Variants in TMEM120B observed in about 807,000 individuals in gnomAD.
TMEM120B encodes transmembrane protein 120B.
Under a neutral mutation model 55.5 loss-of-function variants are expected in TMEM120B, and 31 were observed. The ratio of observed to expected loss-of-function variants is 0.56; its 90% CI spans 0.42 to 0.75. The LOEUF is 0.75. Ranked by LOEUF, TMEM120B falls within the 30% of genes least tolerant of loss-of-function variation. The probability of loss-of-function intolerance (pLI) is 0.00; values close to 1 mark genes in which losing one functional copy is unlikely to be tolerated. For synonymous variants in TMEM120B, 203 were observed against 176.3 expected, an observed-to-expected ratio of 1.15 and a Z score of -1.20; for missense variants, 399 against 425.5, an observed-to-expected ratio of 0.94 and a Z score of 0.55.
chr12:121,750,124 A>C (rs933540499), intron 3 of TMEM120B, among the ~76,000 whole-genome samples: 11 of 152,106 alleles, frequency 7.2e-5, no homozygotes, highest in Admixed American at 3.3e-4. Flanking sequence ...TCTGGCTGCA[A>C]GGCAGGCTTA....
chr12:121,737,141 T>A (rs1391773096), intron 1 of TMEM120B, among the ~76,000 whole-genome samples: 1 of 152,048 alleles, frequency 6.6e-6, no homozygotes, highest in Non-Finnish European at 1.5e-5. Context: ...CTACCTAGAT[T>A]TAAGGAGAGA....
At chr12:121,721,873 A>G (rs1457138263) in intron 1 of TMEM120B, among the ~76,000 whole-genome samples, 1 of 137,470 alleles carries the variant, frequency 7.3e-6, no homozygotes, top group Non-Finnish European at 1.5e-5. Flanking sequence ...CAGTGGCTCA[A>G]TCTTAGCTCA....
chr12:121,754,742 G>T (rs1023882863), intron 5 of TMEM120B, among the ~76,000 whole-genome samples: 4 of 152,244 alleles, frequency 2.6e-5, no homozygotes, highest in Non-Finnish European at 5.9e-5. Flanking sequence ...CAAAGACCCT[G>T]TTTCCAAATA....
intron 5 of TMEM120B, among the ~76,000 whole-genome samples, chr12:121,759,331 T>C (rs1265917370): frequency 2.0e-5 from 3 of 152,114 alleles, no homozygotes; most frequent in African/African-American, 7.2e-5. Context: ...AGAATTTGAC[T>C]GAGGGGCATA....
At chr12:121,719,549 G>A (rs1371148081) in intron 1 of TMEM120B, among the ~76,000 whole-genome samples, 2 of 152,168 alleles carry the variant, frequency 1.3e-5, no homozygotes, top group Non-Finnish European at 2.9e-5. Flanking sequence ...TCCTGCCACT[G>A]CACCCCAGCC....
At position 121,773,620 on chromosome 12, in the gene TMEM120B, G is replaced by A. The variant is rs371613591; in HGVS notation, c.772+107G>A. 1.0e-4 allele frequency: 85 copies of A among 818,750 alleles called. No homozygotes were observed. The East Asian group carries it at 2.6e-3, about 25-fold the overall frequency. The allele number at this position is 818,750 out of a possible 1,614,324, so 50.7% of individuals were successfully genotyped here. A position where few individuals can be genotyped will look rare whatever the true frequency, so the allele number is the denominator to read the frequency against. ...ACCTCCCATACAGCGGAGCCAGGCC[G>A]CTGCCCTTTATCCGAAGCGCCTTCC... On this transcript the variant is annotated intron_variant, in intron 9 of 11. Coordinates refer to ENST00000449592, the MANE Select transcript of TMEM120B (RefSeq NM_001080825.2).
Position 121,780,568 on chromosome 12 carries a change from C to T in TMEM120B, c.*4846C>T, listed in dbSNP as rs1874412730. On this transcript the variant is annotated 3_prime_UTR_variant, in exon 12 of 12. Coordinates refer to ENST00000449592, the MANE Select transcript of TMEM120B (RefSeq NM_001080825.2). ...TGGATTGCAGTGGATGGGACCAGAT[C>T]CTGGCTCCACTTCTCGCTAGCTGTG... is the stretch of plus-strand genomic sequence containing the variant. 2 of 511,830 alleles carry T rather than the reference C, an allele frequency of 3.9e-6. No homozygotes were observed. The highest frequency in any genetic ancestry group is 7.5e-5 in the Admixed American group (2 of 26,792). The allele number at this position is 511,830 out of a possible 1,614,324, so 31.7% of individuals were successfully genotyped here.
At position 121,781,887 on chromosome 12, in the gene TMEM120B, G is replaced by T. The variant is rs554724578; in HGVS notation, c.*6165G>T. 1.4e-4 allele frequency: 21 copies of T among 152,342 alleles called. No homozygotes were observed. The highest frequency in any genetic ancestry group is 4.8e-4 in the African/African-American group (20 of 41,574). The allele number at this position is 152,342 out of a possible 1,614,324, so 9.4% of individuals were successfully genotyped here. A position where few individuals can be genotyped will look rare whatever the true frequency, so the allele number is the denominator to read the frequency against. Reference sequence around the variant, plus strand: ...ATTCACAGAGCACACTCCCTGGGGGGATACTTTAATCCGGAGGCCGTGACG... The same window carrying T: ...ATTCACAGAGCACACTCCCTGGGGGTATACTTTAATCCGGAGGCCGTGACG... On this transcript the variant is annotated 3_prime_UTR_variant, in exon 12 of 12. Coordinates refer to ENST00000449592, the MANE Select transcript of TMEM120B (RefSeq NM_001080825.2).
At position 121,781,258 on chromosome 12, in the gene TMEM120B, G is replaced by T; in HGVS notation, c.*5536G>T. On this transcript the variant is annotated 3_prime_UTR_variant, in exon 12 of 12. Coordinates refer to ENST00000449592, the MANE Select transcript of TMEM120B (RefSeq NM_001080825.2). ...CCTGTCTGGACTCTGACGGGTGAAG[G>T]GGAAGGGGCCAGGCAAGTGACCCTG... is the stretch of plus-strand genomic sequence containing the variant. 1 of 1,463,710 alleles carries T rather than the reference G, an allele frequency of 6.8e-7. No homozygotes were observed. The highest frequency in any genetic ancestry group is 1.4e-5 in the African/African-American group (1 of 72,046). The allele number at this position is 1,463,710 out of a possible 1,614,324, so 90.7% of individuals were successfully genotyped here.
chr12:121,772,071 T>TC (rs1262594739), intron 8 of TMEM120B, among the ~76,000 whole-genome samples: 5 of 146,636 alleles, frequency 3.4e-5, no homozygotes, highest in African/African-American at 1.3e-4. Flanking sequence ...TCCTTTCTTT[T>TC]TCTTTCTTTC....
intron 1 of TMEM120B, among the ~76,000 whole-genome samples, chr12:121,717,760 C>T (rs529565759): frequency 3.9e-4 from 60 of 152,302 alleles, no homozygotes; most frequent in African/African-American, 1.4e-3. Flanking sequence ...CAGGTTCAAG[C>T]GATTCTCCTG....
At position 121,776,947 on chromosome 12, in the gene TMEM120B, C is replaced by T. The variant is rs528212358; in HGVS notation, c.*1225C>T. 3.3e-5 allele frequency: 5 copies of T among 149,258 alleles called. No individual in the cohort carries two copies. Among genetic ancestry groups the T allele is most frequent in the African/African-American group, 1.3e-4 (5 of 39,530 alleles). The allele number at this position is 149,258 out of a possible 1,614,324, so 9.2% of individuals were successfully genotyped here. ...GGACCACAATCACACACCACCATGC[C>T]CTGCTCCTTTTTTTTTTTTTTTTTT... On this transcript the variant is annotated 3_prime_UTR_variant, in exon 12 of 12. Transcript: ENST00000449592.
chr12:121,737,369 G>T (rs1384096021), intron 1 of TMEM120B, among the ~76,000 whole-genome samples: 1 of 152,092 alleles, frequency 6.6e-6, no homozygotes, highest in Non-Finnish European at 1.5e-5. Flanking sequence ...GCTGGGTGTG[G>T]TTGCATGCAC....
At chr12:121,762,786 T>C (rs1873721812) in intron 6 of TMEM120B, among the ~76,000 whole-genome samples, 1 of 152,116 alleles carries the variant, frequency 6.6e-6, no homozygotes, top group Non-Finnish European at 1.5e-5. Context: ...AGAGAGATGA[T>C]GCTGGGGAGG....
intron 6 of TMEM120B, among the ~76,000 whole-genome samples, chr12:121,765,837 G>T (rs773310372): frequency 6.6e-6 from 1 of 152,100 alleles, no homozygotes; most frequent in Non-Finnish European, 1.5e-5. Context: ...GAGATGCCTT[G>T]GAGGCCTCCC....
Position 121,775,466 on chromosome 12 carries a change from G to C in TMEM120B, c.907-143G>C. 1.4e-6 allele frequency: 2 copies of C among 1,443,226 alleles called. No homozygotes were observed. Among genetic ancestry groups the C allele is most frequent in the Non-Finnish European group, 1.8e-6 (2 of 1,103,088 alleles). The allele number at this position is 1,443,226 out of a possible 1,614,324, so 89.4% of individuals were successfully genotyped here. ...GCCTGAGGCCTCACCCTTCCCCCAG[G>C]TCTCCTGAATCTCTGCCTTCGATGG... is the stretch of plus-strand genomic sequence containing the variant. On this transcript the variant is annotated intron_variant, in intron 11 of 11. Coordinates refer to ENST00000449592, the MANE Select transcript of TMEM120B (RefSeq NM_001080825.2). The surrounding 1 kb of genome is among the most constrained non-coding windows in gnomAD (Gnocchi z 4.3).
intron 1 of TMEM120B, among the ~76,000 whole-genome samples, chr12:121,737,169 C>G (rs531735746): frequency 6.6e-6 from 1 of 152,212 alleles, no homozygotes; most frequent in South Asian, 2.1e-4. Context: ...GGCACTGCCT[C>G]TCTATGTGAG....
At position 121,758,624 on chromosome 12, in the gene TMEM120B, T is replaced by C. The variant is rs1873560267; in HGVS notation, c.462-3025T>C. On this transcript the variant is annotated intron_variant, in intron 5 of 11. Coordinates refer to ENST00000449592, the MANE Select transcript of TMEM120B (RefSeq NM_001080825.2). ...AGGACGGCCCAGCCCCGCGCTGTGG[T>C]CACCATGGAGGAGGACGGCCCAGCC... is the stretch of plus-strand genomic sequence containing the variant. 25 of 970,558 alleles carry C rather than the reference T, an allele frequency of 2.6e-5. No individual in the cohort carries two copies. In the South Asian group the frequency reaches 9.7e-4, roughly 37 times the overall value. 60.1% of individuals were successfully genotyped at this position (970,558 alleles called of 1,614,324 possible).
In TMEM120B at chr12:121,775,133, A is replaced by AT. The variant is rs1329692527; in HGVS notation, c.906+4dup. 8.6e-6 allele frequency: 5 copies of AT among 579,166 alleles called. No individual in the cohort carries two copies. The South Asian group carries it at 9.4e-5, about 11-fold the overall frequency. 35.9% of individuals were successfully genotyped at this position (579,166 alleles called of 1,614,324 possible). Reference sequence around the variant, plus strand: ...ACGAGGAATGCAGAGAATGGCAGGTATGGGGGGTGGGGGCATGCTCGGGGG... The same window carrying AT: ...ACGAGGAATGCAGAGAATGGCAGGTATTGGGGGGTGGGGGCATGCTCGGGGG... On this transcript the variant is annotated splice_donor_region_variant and intron_variant, in intron 11 of 11. Transcript: ENST00000449592. This position sits in a 1 kb window ranked among gnomAD's most constrained non-coding sequence, Gnocchi z 4.3.
Sources: gnomAD v4.1 joint callset for allele counts (sites outside exome capture counted in the v4.1 genomes callset) on GRCh38, gnomAD v4.1.1 for gene constraint, Gnocchi (gnomAD v3.1) non-coding constraint, MANE v1.5 for transcripts, NCBI Gene and HGNC (gene_info 2026-07-23, HGNC 2026-07-21) for gene names.